Variants in MACROD2 observed in about 807,000 individuals in gnomAD.
The protein encoded by MACROD2 is ADP-ribose glycohydrolase MACROD2.
In MACROD2, 36 loss-of-function variants were observed where a neutral mutation model predicts 70.4. The ratio of observed to expected loss-of-function variants is 0.51; its 90% CI spans 0.39 to 0.68. The LOEUF (loss-of-function observed/expected upper bound fraction) is 0.68. MACROD2 is among the 30% of genes least tolerant of loss of function. MACROD2 has a pLI of 0.00. For missense variants in MACROD2, 496 were observed against 538.4 expected, an observed-to-expected ratio of 0.92 and a Z score of 0.78; for synonymous variants, 172 against 178.8, an observed-to-expected ratio of 0.96 and a Z score of 0.30.
chr20:14,637,823 A>G lies in MACROD2; in HGVS notation c.302-47020A>G, dbSNP rs536687782. Among the ~76,000 whole-genome samples, 15 of 152,260 alleles carry G rather than the reference A, an allele frequency of 9.9e-5. No individual in the cohort carries two copies. The South Asian group carries it at 3.1e-3, about 32-fold the overall frequency. ...ATTTGCTGTCTTCTTTGACAGCTGG[A>G]CAAGTAGAGATTGCAATCTCCTTTC... On this transcript the variant is annotated intron_variant, in intron 4 of 17. Coordinates refer to ENST00000684519, the MANE Select transcript of MACROD2 (RefSeq NM_001351661.2).
intron 4 of MACROD2, among the ~76,000 whole-genome samples, chr20:14,681,586 G>C (rs2070933290): frequency 6.6e-6 from 1 of 152,138 alleles, no homozygotes; most frequent in Non-Finnish European, 1.5e-5. Flanking sequence ...TCTGGGTGAG[G>C]GGAGGGGAAA....
chr20:15,230,071 T>A lies in MACROD2; in HGVS notation c.540+10T>A. On this transcript the variant is annotated intron_variant, in intron 6 of 17. Coordinates refer to ENST00000684519, the MANE Select transcript of MACROD2 (RefSeq NM_001351661.2). ...TAACATCCGATCAGTTGTAAGTAAT[T>A]TTATGTTTTTTATTTCTCACTCTTT... 6.2e-7 allele frequency: 1 copy of A among 1,609,720 alleles called. No individual in the cohort carries two copies. The highest frequency in any genetic ancestry group is 8.5e-7 in the Non-Finnish European group (1 of 1,177,522).
At chr20:14,421,033 T>C (rs2083871354) in intron 3 of MACROD2, among the ~76,000 whole-genome samples, 1 of 152,238 alleles carries the variant, frequency 6.6e-6, no homozygotes, top group Admixed American at 6.5e-5. Flanking sequence ...TACATTCTGA[T>C]GAAGTCAAGT....
chr20:15,463,862 C>T (rs1394338935), intron 7 of MACROD2, among the ~76,000 whole-genome samples: 5 of 152,152 alleles, frequency 3.3e-5, no homozygotes, highest in African/African-American at 1.2e-4. Context: ...CCAAACTTCC[C>T]CTGCTATTAA....
At chr20:15,428,930 A>G (rs1202670792) in intron 6 of MACROD2, among the ~76,000 whole-genome samples, 1 of 152,074 alleles carries the variant, frequency 6.6e-6, no homozygotes, top group Non-Finnish European at 1.5e-5. Context: ...CATGAGATAC[A>G]TGATGCTCAC....
intron 8 of MACROD2, among the ~76,000 whole-genome samples, chr20:15,816,910 C>T (rs1043554731): frequency 3.9e-5 from 6 of 152,136 alleles, no homozygotes; most frequent in African/African-American, 1.4e-4. Flanking sequence ...ATGGTAGAGA[C>T]TTTGTCTAAT....
chr20:15,782,181 A>T (rs1214273580), intron 8 of MACROD2, among the ~76,000 whole-genome samples: 1 of 152,130 alleles, frequency 6.6e-6, no homozygotes, highest in African/African-American at 2.4e-5. Context: ...GATGAATTTG[A>T]AGATTAAATG....
At chr20:15,992,509 A>C (rs1196733693) in intron 15 of MACROD2, among the ~76,000 whole-genome samples, 1 of 152,122 alleles carries the variant, frequency 6.6e-6, no homozygotes, top group Non-Finnish European at 1.5e-5. Flanking sequence ...CACTCCGTGC[A>C]GTACCACAAA....
chr20:14,662,503 T>C (rs1394819928), intron 4 of MACROD2, among the ~76,000 whole-genome samples: 1 of 152,088 alleles, frequency 6.6e-6, no homozygotes, highest in Non-Finnish European at 1.5e-5. Context: ...CTAATTAAAC[T>C]AAAGGCCTTC....
At chr20:14,647,948 TG>T (rs1568718596) in intron 4 of MACROD2, among the ~76,000 whole-genome samples, 1 of 152,168 alleles carries the variant, frequency 6.6e-6, no homozygotes, top group Non-Finnish European at 1.5e-5. Flanking sequence ...CCCAGAGCAC[TG>T]CCATTTGCAT....
rs765126995 is a variant in MACROD2 at position 15,288,853 on chromosome 20, ATGTCTGTC to A, written c.540+58802_540+58809del. ...ATAAATCTCCTCTCTGTCTCTCTATATGTCTGTCTGTCTGTCTATCTATCTATCTATCT... is the reference window on the plus strand; with the variant it reads ...ATAAATCTCCTCTCTGTCTCTCTATATGTCTGTCTATCTATCTATCTATCT... On this transcript the variant is annotated intron_variant, in intron 6 of 17. Coordinates refer to ENST00000684519, the MANE Select transcript of MACROD2 (RefSeq NM_001351661.2). Among the ~76,000 whole-genome samples, 309 of 136,688 alleles carry A rather than the reference ATGTCTGTC, an allele frequency of 2.3e-3. 1 individual carries two copies. The highest frequency in any genetic ancestry group is 8.0e-3 in the African/African-American group (294 of 36,626). The allele number at this position is 136,688 out of a possible 152,430, so 89.7% of individuals were successfully genotyped here. A position where few individuals can be genotyped will look rare whatever the true frequency, so the allele number is the denominator to read the frequency against.
chr20:13,996,218 G>A (rs1569105708), intron 1 of MACROD2: 1 of 223,558 alleles, frequency 4.5e-6, no homozygotes. Flanking sequence ...GTCGGCGGGC[G>A]CTCAGGCTGC....
chr20:15,831,064 A>C (rs898780237), intron 8 of MACROD2, among the ~76,000 whole-genome samples: 13 of 152,208 alleles, frequency 8.5e-5, no homozygotes, highest in African/African-American at 2.4e-4. Flanking sequence ...GAATTTTGAA[A>C]TATGAAGACA....
intron 4 of MACROD2, among the ~76,000 whole-genome samples, chr20:14,618,701 C>T (rs948159504): frequency 1.3e-5 from 2 of 152,106 alleles, no homozygotes; most frequent in African/African-American, 4.8e-5. Context: ...TCACATGCCA[C>T]ATTGAGTCCC....
chr20:14,378,804 G>A (rs1271242019), intron 3 of MACROD2, among the ~76,000 whole-genome samples: 1 of 152,056 alleles, frequency 6.6e-6, no homozygotes, highest in Non-Finnish European at 1.5e-5. Flanking sequence ...GACATATTTG[G>A]CTATTGTCTT....
chr20:14,220,772 T>C (rs899470995), intron 3 of MACROD2, among the ~76,000 whole-genome samples: 2 of 152,150 alleles, frequency 1.3e-5, no homozygotes, highest in African/African-American at 4.8e-5. Flanking sequence ...TGGAAACTTC[T>C]CCTGCAAACA....
At chr20:15,203,890 A>T (rs990593033) in intron 5 of MACROD2, among the ~76,000 whole-genome samples, 9 of 152,054 alleles carry the variant, frequency 5.9e-5, no homozygotes, top group African/African-American at 2.2e-4. Context: ...TTACACACAG[A>T]TAGTAATGAA....
chr20:15,044,009 T>C (rs2075374478), intron 5 of MACROD2, among the ~76,000 whole-genome samples: 1 of 152,142 alleles, frequency 6.6e-6, no homozygotes, highest in Non-Finnish European at 1.5e-5. Flanking sequence ...CTGCACTCCA[T>C]TGTGTAGGGT....
chr20:14,420,814 C>T (rs760627491), intron 3 of MACROD2, among the ~76,000 whole-genome samples: 8 of 152,146 alleles, frequency 5.3e-5, no homozygotes, highest in Non-Finnish European at 1.2e-4. Flanking sequence ...ACCTCAGCCT[C>T]CCAACTAGCT....
Sources: allele counts gnomAD v4.1 joint callset (sites outside exome capture counted in the v4.1 genomes callset), GRCh38; gene constraint gnomAD v4.1.1; transcripts MANE v1.5; gene names NCBI Gene and HGNC (gene_info 2026-07-23, HGNC 2026-07-21).